The following ERBB4 variants were observed in gnomAD, a reference collection of about 807,000 sequenced individuals.
ERBB4 encodes the protein receptor tyrosine-protein kinase erbB-4.
Under a neutral mutation model 158.0 loss-of-function variants are expected in ERBB4, and 42 were observed. The ratio of observed to expected loss-of-function variants is 0.27; its 90% confidence interval spans 0.21 to 0.34. ERBB4 has a LOEUF of 0.34. ERBB4 is among the 10% of genes least tolerant of loss of function. ERBB4 has a pLI of 1.00. For missense variants in ERBB4, 1,333 were observed against 1,624.1 expected (o/e 0.82, Z 3.08); for synonymous variants, 583 against 558.7 (o/e 1.04, Z -0.61).
chr2:212,253,002 A>T (rs2084596639), intron 1 of ERBB4, among the ~76,000 whole-genome samples: 1 of 151,708 alleles, frequency 6.6e-6, no homozygotes, highest in Non-Finnish European at 1.5e-5. Context: ...TCTAATATTC[A>T]TGACAGTTTG....
intron 20 of ERBB4, among the ~76,000 whole-genome samples, chr2:211,445,361 G>A (rs898283796): frequency 2.6e-5 from 4 of 152,090 alleles, no homozygotes; most frequent in African/African-American, 9.7e-5. Context: ...AGACAGATAT[G>A]GGACCTTACC....
chr2:211,459,591 C>T (rs750030568), intron 20 of ERBB4, among the ~76,000 whole-genome samples: 6 of 152,134 alleles, frequency 3.9e-5, no homozygotes, highest in Non-Finnish European at 7.3e-5. Context: ...ATAAATCTCA[C>T]GAGGTCTGAT....
At chr2:211,463,496 C>T (rs2064591779) in intron 20 of ERBB4, among the ~76,000 whole-genome samples, 1 of 152,134 alleles carries the variant, frequency 6.6e-6, no homozygotes, top group South Asian at 2.1e-4. Context: ...AAGTGGGCCT[C>T]ATTTAGCATT....
rs1410417188 is a variant in ERBB4, at chr2:211,728,441, A to G, written c.623-3247T>C. On this transcript the variant is annotated intron_variant, in intron 5 of 27. Transcript: ENST00000342788. ...TATTGATATTTCTATCTTTTAACCA[A>G]GTGGTATATTTGTTTAGATGCCCTA... is the stretch of plus-strand genomic sequence containing the variant. Among the ~76,000 whole-genome samples the G allele has an allele frequency of 4.6e-5, 7 of 151,862 alleles. No homozygotes were observed. The East Asian group carries it at 1.4e-3, about 29-fold the overall frequency.
chr2:212,085,554 G>A (rs2078578361), intron 2 of ERBB4, among the ~76,000 whole-genome samples: 1 of 151,754 alleles, frequency 6.6e-6, no homozygotes, highest in Non-Finnish European at 1.5e-5. Flanking sequence ...TAGACATTTG[G>A]GCTTAGGTCA....
rs560085703 is a variant in ERBB4 at position 212,369,970 on chromosome 2, GA to G, written c.82+168478del. On this transcript the variant is annotated intron_variant, in intron 1 of 27. Transcript: ENST00000342788. ...GTTTTTAGGATCCAGGGAAAATTTA[GA>G]AAAAAAATGAGAAATTAAAGGGAGA... 7.2e-3 allele frequency among the ~76,000 whole-genome samples: 1,091 copies of G among 151,742 alleles called. 6 individuals carry two copies. The highest frequency in any genetic ancestry group is 0.024 in the Middle Eastern group (7 of 294).
rs571433855 is a variant in ERBB4, at chr2:212,147,947, G to A, written c.83-23044C>T. On this transcript the variant is annotated intron_variant, in intron 1 of 27. Transcript: ENST00000342788. ...TCTTTCTCCATCTTTCCATTTCTAA[G>A]ATTGGCCTAATAATCACTGTAATAT... Among the ~76,000 whole-genome samples, 58 of 152,174 alleles carry A rather than the reference G, an allele frequency of 3.8e-4. No individual in the cohort carries two copies. In the South Asian group the frequency reaches 0.011, roughly 29 times the overall value.
chr2:211,624,070 T>C, intron 17 of ERBB4, 26 bp from the exon 18 acceptor site: 2 of 1,613,886 alleles, frequency 1.2e-6, no homozygotes, highest in Admixed American at 1.7e-5. Flanking sequence ...AAGAAGGTTA[T>C]ACTTTCAGTC....
intron 20 of ERBB4, among the ~76,000 whole-genome samples, chr2:211,455,703 A>G (rs1276258754): frequency 1.3e-5 from 2 of 152,176 alleles, no homozygotes; most frequent in Non-Finnish European, 2.9e-5. Flanking sequence ...TATTTGAAGG[A>G]AAAAATTACA....
At chr2:211,495,409 G>A (rs573323468) in intron 20 of ERBB4, among the ~76,000 whole-genome samples, 1 of 152,150 alleles carries the variant, frequency 6.6e-6, no homozygotes, top group East Asian at 1.9e-4. Flanking sequence ...TCTTATGAGA[G>A]AGCTGTTAAT....
chr2:212,196,714 C>T (rs1370453399), intron 1 of ERBB4, among the ~76,000 whole-genome samples: 1 of 152,032 alleles, frequency 6.6e-6, no homozygotes, highest in Non-Finnish European at 1.5e-5. Flanking sequence ...TAAGCGATTC[C>T]TTTGACTATA....
At chr2:212,317,893 C>A (rs1306405395) in intron 1 of ERBB4, among the ~76,000 whole-genome samples, 1 of 151,476 alleles carries the variant, frequency 6.6e-6, no homozygotes, top group Admixed American at 6.6e-5. Flanking sequence ...ATAGAAACTA[C>A]AGAATCACTT....
chr2:212,100,098 T>C (rs192159246), intron 2 of ERBB4, among the ~76,000 whole-genome samples: 73 of 152,360 alleles, frequency 4.8e-4, no homozygotes, highest in African/African-American at 1.7e-3. Flanking sequence ...CATTACTGAA[T>C]ATTAAAACTT....
intron 2 of ERBB4, among the ~76,000 whole-genome samples, chr2:212,097,014 G>A (rs2078951648): frequency 6.6e-6 from 1 of 152,156 alleles, no homozygotes. Flanking sequence ...ACTTGTTAAA[G>A]TTGGGCAATT....
chr2:211,386,892 C>T lies in ERBB4; in HGVS notation c.3442G>A (p.Glu1148Lys), dbSNP rs2125318233. 1 of 1,614,216 alleles carries T rather than the reference C, an allele frequency of 6.2e-7. No homozygotes were observed. Among genetic ancestry groups the T allele is most frequent in the Non-Finnish European group, 8.5e-7 (1 of 1,180,036 alleles). ...ERSPRGELDE[E>K]GYMTPMRDKP... ...TCTCGCATAGGAGTCATGTAACCTT[C>T]CTCATCCAGCTCTCCTCGTGGGCTC... The change falls in exon 27 of 28, where the codon GAA becomes AAA. Residue 1148 changes from glutamate to lysine, a missense_variant. Glu to Lys is a moderately conservative substitution (Grantham distance 56). This residue lies in a region of ERBB4 where 252 missense variants were observed against 241.3 expected (regional missense o/e 1.04). Transcript: ENST00000342788.
Position 211,665,883 on chromosome 2 carries a change from G to A in ERBB4, c.1717-406C>T, listed in dbSNP as rs190130636. Reference sequence around the variant, plus strand: ...GATTTATTTCTGGCAATATTATAGTGCAGCAATTTTTAGTAAAACACATTT... The same window carrying A: ...GATTTATTTCTGGCAATATTATAGTACAGCAATTTTTAGTAAAACACATTT... On this transcript the variant is annotated intron_variant, in intron 14 of 27. Coordinates refer to ENST00000342788, the MANE Select transcript of ERBB4 (RefSeq NM_005235.3). Among the ~76,000 whole-genome samples, 5 of 152,220 alleles carry A rather than the reference G, an allele frequency of 3.3e-5. No homozygotes were observed. In the East Asian group the frequency reaches 9.6e-4, roughly 29 times the overall value.
At chr2:212,077,664 A>T (rs1198186068) in intron 2 of ERBB4, among the ~76,000 whole-genome samples, 2 of 151,998 alleles carry the variant, frequency 1.3e-5, no homozygotes, top group African/African-American at 4.8e-5. Flanking sequence ...GGCAAAGGCA[A>T]GCAGGGGACT....
intron 2 of ERBB4, among the ~76,000 whole-genome samples, chr2:212,040,250 A>T (rs1230759091): frequency 6.6e-6 from 1 of 151,978 alleles, no homozygotes; most frequent in African/African-American, 2.4e-5. Flanking sequence ...AGTTTATATT[A>T]CTGTTTAATT....
chr2:212,533,845 C>A (rs1199646973), intron 1 of ERBB4, among the ~76,000 whole-genome samples: 1 of 152,154 alleles, frequency 6.6e-6, no homozygotes, highest in Admixed American at 6.5e-5. Context: ...CTCAGTAGAT[C>A]ACTGTAAAAG....
Sources: allele counts gnomAD v4.1 joint callset (sites outside exome capture counted in the v4.1 genomes callset), GRCh38; gene constraint gnomAD v4.1.1; regional missense constraint gnomAD v4.1.1; transcripts MANE v1.5; gene names NCBI Gene and HGNC (gene_info 2026-07-23, HGNC 2026-07-21).